The following BLTP1 variants were observed in gnomAD, a reference collection of about 807,000 sequenced individuals.
The protein encoded by BLTP1 is bridge-like lipid transfer protein family member 1.
chr4:122,236,778 G>C, the BLTP1 span: 1 of 970,172 alleles, frequency 1.0e-6, no homozygotes, highest in African/African-American at 1.8e-5. Context: ...TTCTTATAAT[G>C]TGTAATAGGA....
chr4:122,202,537 A>G, the BLTP1 span: 1 of 969,736 alleles, frequency 1.0e-6, no homozygotes, highest in Admixed American at 6.2e-5. Context: ...CTGTTACATT[A>G]CTTACCTCTT....
chr4:122,239,899 GT>G, the BLTP1 span: 1 of 1,613,966 alleles, frequency 6.2e-7, no homozygotes, highest in South Asian at 1.1e-5. Context: ...CCCATTAGCA[GT>G]GATGAAGGCC....
the BLTP1 span, chr4:122,290,990 A>G: frequency 1.2e-6 from 1 of 836,840 alleles, no homozygotes; most frequent in Non-Finnish European, 1.4e-6. Context: ...TCCTAGTATC[A>G]GACTGTCAGG....
the BLTP1 span, chr4:122,249,972 A>T: frequency 1.0e-6 from 1 of 969,564 alleles, no homozygotes; most frequent in Non-Finnish European, 1.2e-6. Context: ...GAAACTTTGC[A>T]TCTTTGAAAA....
At chr4:122,352,782 C>T in the BLTP1 span, 1 of 1,220,356 alleles carries the variant, frequency 8.2e-7, no homozygotes, top group Non-Finnish European at 1.1e-6. Flanking sequence ...TTAACAGGCA[C>T]TGGACACTGT....
chr4:122,167,617 G>A, the BLTP1 span: 10 of 979,612 alleles, frequency 1.0e-5, no homozygotes, highest in East Asian at 1.0e-3. Context: ...CCAGCATCCT[G>A]TGCCTAACTT....
chr4:122,192,287 C>T, the BLTP1 span: 1 of 1,613,360 alleles, frequency 6.2e-7, no homozygotes, highest in African/African-American at 1.3e-5. Flanking sequence ...GTGAGGATTG[C>T]AAATTACAAG....
the BLTP1 span, chr4:122,307,447 C>T: frequency 7.1e-6 from 7 of 984,750 alleles, no homozygotes; most frequent in Non-Finnish European, 7.2e-6. Context: ...TTAGAGGCCC[C>T]TCCATCTATA....
At chr4:122,296,105 A>G in the BLTP1 span, among the ~76,000 whole-genome samples, 1 of 152,238 alleles carries the variant, frequency 6.6e-6, no homozygotes, top group Non-Finnish European at 1.5e-5. Flanking sequence ...CAAGAGAAAG[A>G]AAGTGTATAC....
chr4:122,297,056 A>G, the BLTP1 span, among the ~76,000 whole-genome samples: 1 of 152,184 alleles, frequency 6.6e-6, no homozygotes, highest in African/African-American at 2.4e-5. Flanking sequence ...CAACAAAAGC[A>G]AAAATTGATA....
At chr4:122,244,109 T>C in the BLTP1 span, 3 of 1,364,250 alleles carry the variant, frequency 2.2e-6, no homozygotes, top group Non-Finnish European at 2.9e-6. Context: ...GATATGTTCG[T>C]GTAGAAGATT....
the BLTP1 span, among the ~76,000 whole-genome samples, chr4:122,314,395 T>A: frequency 1.3e-5 from 2 of 152,140 alleles, no homozygotes; most frequent in Admixed American, 6.6e-5. Flanking sequence ...ATGACGACAC[T>A]ATCAAAGGAA....
At chr4:122,258,711 T>C in the BLTP1 span, 4 of 1,613,388 alleles carry the variant, frequency 2.5e-6, no homozygotes, top group African/African-American at 5.3e-5. Flanking sequence ...CCACAGTCAG[T>C]GAACACACAA....
the BLTP1 span, chr4:122,348,793 G>A: frequency 1.0e-6 from 1 of 981,750 alleles, no homozygotes; most frequent in Non-Finnish European, 1.5e-6. Flanking sequence ...AAGATATTCA[G>A]AACCTTTTTT....
the BLTP1 span, among the ~76,000 whole-genome samples, chr4:122,281,060 C>CA: frequency 2.0e-5 from 3 of 152,032 alleles, no homozygotes; most frequent in African/African-American, 7.2e-5. Flanking sequence ...AACGTGGAGA[C>CA]AATAGTACCT....
chr4:122,188,357 C>A, the BLTP1 span: 1 of 364,388 alleles, frequency 2.7e-6, no homozygotes, highest in Non-Finnish European at 3.8e-6. Flanking sequence ...TGGAAACTTA[C>A]TTTGTGCAAT....
At chr4:122,250,447 ATCC>A in the BLTP1 span, 3 of 1,613,896 alleles carry the variant, frequency 1.9e-6, no homozygotes, top group East Asian at 6.7e-5. Flanking sequence ...GAGTGCTGAC[ATCC>A]AATAATTCTT....
chr4:122,279,639 G>A, the BLTP1 span: 1 of 943,182 alleles, frequency 1.1e-6, no homozygotes, highest in East Asian at 2.7e-5. Flanking sequence ...CACTTTTTTT[G>A]TAATACACAT....
chr4:122,277,312 G>C, the BLTP1 span, among the ~76,000 whole-genome samples: 1 of 152,126 alleles, frequency 6.6e-6, no homozygotes, highest in African/African-American at 2.4e-5. Flanking sequence ...CTGCACTCCA[G>C]CCTGGGCAAC....
Sources: gnomAD v4.1 joint callset for allele counts (sites outside exome capture counted in the v4.1 genomes callset) on GRCh38, gnomAD v4.1.1 for gene constraint, MANE v1.5 for transcripts, NCBI Gene and HGNC (gene_info 2026-07-23, HGNC 2026-07-21) for gene names.